Variants in SEC24B observed in about 807,000 individuals in gnomAD.
SEC24B encodes SEC24 homolog B, COPII component.
In SEC24B, 45 loss-of-function variants were observed where a neutral mutation model predicts 142.8. That is an observed-to-expected ratio of 0.32 (90% CI 0.25 to 0.40). The LOEUF (loss-of-function observed/expected upper bound fraction) is 0.40, where lower values mean the gene tolerates loss of function less well. SEC24B is among the 10% of genes least tolerant of loss of function. SEC24B has a pLI of 1.00. For missense variants in SEC24B, 1,409 were observed against 1,526.8 expected (o/e 0.92, Z 1.29); for synonymous variants, 574 against 568.2 (o/e 1.01, Z -0.15).
In SEC24B at chr4:109,524,776, C is replaced by T. The variant is rs1479349182; in HGVS notation, c.2509-42C>T. 5 of 1,557,872 alleles carry T rather than the reference C, an allele frequency of 3.2e-6. No individual in the cohort carries two copies. In the South Asian group the frequency reaches 6.1e-5, roughly 19 times the overall value. On this transcript the variant is annotated intron_variant, in intron 14 of 23. Transcript: ENST00000265175. ...TATAAAAATGACATGAAAATATGAG[C>T]ATAAAGATTGCTAGCTCTTACTATA... is the stretch of plus-strand genomic sequence containing the variant.
At chr4:109,525,613 T>C in intron 16 of SEC24B, 109 bp downstream of exon 16, 1 of 636,788 alleles carries the variant, frequency 1.6e-6, no homozygotes, top group Non-Finnish European at 2.5e-6. Flanking sequence ...CTGTTTGATC[T>C]CATTAGCTAT....
chr4:109,513,682 G>C (rs757834460), intron 9 of SEC24B, 65 bp from the exon 10 acceptor site: 12 of 826,900 alleles, frequency 1.5e-5, no homozygotes, highest in Non-Finnish European at 2.3e-5. Flanking sequence ...TTTATTTTTA[G>C]GTGTGTATAT....
intron 1 of SEC24B, among the ~76,000 whole-genome samples, chr4:109,439,248 G>A (rs182682598): frequency 5.3e-5 from 8 of 152,058 alleles, no homozygotes; most frequent in Admixed American, 5.2e-4. Context: ...CAGTACTATC[G>A]GGTCAGTCAC....
intron 11 of SEC24B, 39 bp downstream of exon 11, chr4:109,516,679 G>A (rs1184391413): frequency 4.4e-6 from 5 of 1,125,304 alleles, no homozygotes; most frequent in Non-Finnish European, 6.5e-6. Flanking sequence ...ATATGTGTAT[G>A]TTATATATAT....
intron 1 of SEC24B, among the ~76,000 whole-genome samples, chr4:109,452,147 C>G (rs1730169284): frequency 1.3e-5 from 2 of 151,902 alleles, no homozygotes; most frequent in South Asian, 4.2e-4. Flanking sequence ...GTTCTCTATC[C>G]TTGTTATTCT....
At chr4:109,503,373 G>A (rs182839220) in intron 6 of SEC24B, among the ~76,000 whole-genome samples, 35 of 152,034 alleles carry the variant, frequency 2.3e-4, no homozygotes, top group African/African-American at 5.5e-4. Context: ...ACAGGCGCCC[G>A]CCACACCACA....
intron 6 of SEC24B, among the ~76,000 whole-genome samples, chr4:109,497,890 T>C (rs1314238253): frequency 2.0e-5 from 3 of 152,242 alleles, no homozygotes; most frequent in Non-Finnish European, 2.9e-5. Context: ...ACAGTGATAT[T>C]CTGATTTCTA....
At chr4:109,459,360 C>T (rs1369509087) in intron 1 of SEC24B, among the ~76,000 whole-genome samples, 1 of 152,110 alleles carries the variant, frequency 6.6e-6, no homozygotes, top group African/African-American at 2.4e-5. Flanking sequence ...TATGGTTGAT[C>T]AGATTGAGAA....
At position 109,448,522 on chromosome 4, in the gene SEC24B, C is replaced by T. The variant is rs56841599; in HGVS notation, c.134-14379C>T. ...CTTATGAAACTTTTTTTTTTTTGAG[C>T]CTCCCAGGTTCAAGCGATTCTCCTG... On this transcript the variant is annotated intron_variant, in intron 1 of 23. Transcript: ENST00000265175. 5.6e-3 allele frequency among the ~76,000 whole-genome samples: 844 copies of T among 151,420 alleles called. 17 individuals are homozygous for T. The highest frequency in any genetic ancestry group is 0.019 in the African/African-American group (798 of 41,300).
intron 4 of SEC24B, among the ~76,000 whole-genome samples, chr4:109,484,132 A>G (rs942557279): frequency 2.6e-5 from 4 of 152,234 alleles, no homozygotes; most frequent in Non-Finnish European, 4.4e-5. Context: ...CCAGGATCCA[A>G]TTTGGATCAT....
At chr4:109,445,242 G>GT (rs70949078) in intron 1 of SEC24B, among the ~76,000 whole-genome samples, 12,416 of 112,684 alleles carry the variant, frequency 0.11, 2,491 homozygotes, top group African/African-American at 0.39. Context: ...TTCTTTCTTT[G>GT]TTTTTTTTTT....
intron 6 of SEC24B, among the ~76,000 whole-genome samples, chr4:109,501,585 C>T (rs1327732171): frequency 6.6e-6 from 1 of 152,208 alleles, no homozygotes; most frequent in African/African-American, 2.4e-5. Flanking sequence ...ATTCTCTTGC[C>T]TCAGCCTCCC....
At chr4:109,537,857 T>C (rs1388183083) in intron 22 of SEC24B, among the ~76,000 whole-genome samples, 2 of 152,346 alleles carry the variant, frequency 1.3e-5, no homozygotes, top group Non-Finnish European at 2.9e-5. Flanking sequence ...ATTTAAATTT[T>C]GTTATATACT....
Position 109,539,915 on chromosome 4 carries a change from A to G in SEC24B, c.*240A>G, listed in dbSNP as rs1726010497. On this transcript the variant is annotated 3_prime_UTR_variant, in exon 24 of 24. Transcript: ENST00000265175. ...AAGTATATTTTGAATTGGTTTCTAC[A>G]CATTTCCAGTAGTATGGCAGTACAG... 2.2e-6 allele frequency: 1 copy of G among 463,726 alleles called. No individual in the cohort carries two copies. Among genetic ancestry groups the G allele is most frequent in the Non-Finnish European group, 3.8e-6 (1 of 262,594 alleles). The allele number at this position is 463,726 out of a possible 1,614,324, so 28.7% of individuals were successfully genotyped here.
Position 109,539,671 on chromosome 4 carries a change from A to T in SEC24B, c.3803A>T (p.Lys1268Met). The T allele has an allele frequency of 6.3e-7, 1 of 1,585,894 alleles. No individual in the cohort carries two copies. The highest frequency in any genetic ancestry group is 1.3e-5 in the African/African-American group (1 of 74,410). Residue 1268 changes from lysine (K) to methionine (M), a missense_variant, in exon 24 of 24, where the codon AAG (lysine) becomes ATG (methionine). Coordinates refer to ENST00000265175, the MANE Select transcript of SEC24B (RefSeq NM_006323.5). Reference protein sequence around the residue: ...FLLHVQQQICK With the variant: ...FLLHVQQQICM Reference sequence around the variant, plus strand: ...CTTCATGTTCAGCAGCAGATTTGTAAGTGAAGTAGAATAAAATTGAATAAG... The same window carrying T: ...CTTCATGTTCAGCAGCAGATTTGTATGTGAAGTAGAATAAAATTGAATAAG...
chr4:109,514,295 T>C (rs954832283), intron 10 of SEC24B, among the ~76,000 whole-genome samples: 3 of 152,228 alleles, frequency 2.0e-5, no homozygotes, highest in African/African-American at 4.8e-5. Context: ...GTCTCTTCTT[T>C]AATTATATGA....
At chr4:109,463,929 A>T (rs1366816504) in intron 2 of SEC24B, among the ~76,000 whole-genome samples, 1 of 152,154 alleles carries the variant, frequency 6.6e-6, no homozygotes, top group Non-Finnish European at 1.5e-5. Flanking sequence ...TGTGAATTAG[A>T]TACAGGGCAA....
intron 5 of SEC24B, among the ~76,000 whole-genome samples, chr4:109,493,949 T>G (rs1735271187): frequency 6.6e-6 from 1 of 152,166 alleles, no homozygotes; most frequent in Non-Finnish European, 1.5e-5. Context: ...AAATAATGCA[T>G]ATTTTTAGGG....
chr4:109,473,647 C>T (rs1333562471), intron 3 of SEC24B, among the ~76,000 whole-genome samples: 1 of 152,116 alleles, frequency 6.6e-6, no homozygotes, highest in African/African-American at 2.4e-5. Context: ...GAAATTGTAA[C>T]CCATACTCTT....
Sources: allele counts gnomAD v4.1 joint callset (sites outside exome capture counted in the v4.1 genomes callset), GRCh38; gene constraint gnomAD v4.1.1; transcripts MANE v1.5; gene names NCBI Gene and HGNC (gene_info 2026-07-23, HGNC 2026-07-21).